Variants in IL1RN observed in about 807,000 individuals in gnomAD.
IL1RN encodes the protein interleukin 1 receptor antagonist.
A neutral mutation model predicts 13.7 loss-of-function variants in IL1RN; 10 were observed. The ratio of observed to expected loss-of-function variants is 0.73; its 90% CI spans 0.45 to 1.24. The LOEUF is 1.24. Among genes scored for constraint, IL1RN ranks in the 50% most tolerant of loss-of-function variants. IL1RN has a pLI of 0.00. For synonymous variants in IL1RN, 102 were observed against 82.7 expected (o/e 1.23, Z -1.27); for missense variants, 213 against 222.1 (o/e 0.96, Z 0.26).
At chr2:113,106,422 T>G (rs1301497434), upstream of IL1RN, among the ~76,000 whole-genome samples, 1 of 152,232 alleles carries the variant, frequency 6.6e-6, no homozygotes, top group Non-Finnish European at 1.5e-5. Flanking sequence ...ACATAAAATT[T>G]AAATGGGTTG....
At chr2:113,122,384 C>T (rs975575424) in intron 2 of IL1RN, among the ~76,000 whole-genome samples, 1 of 152,152 alleles carries the variant, frequency 6.6e-6, no homozygotes, top group Non-Finnish European at 1.5e-5. Context: ...TTTAGAAGGA[C>T]TGAATCTCCC....
At chr2:113,131,181 A>G in intron 3 of IL1RN, 24 bp downstream of exon 3, 1 of 1,474,746 alleles carries the variant, frequency 6.8e-7, no homozygotes. Context: ...TTGGATCTCA[A>G]ATCACCCCAA....
At chr2:113,110,344 T>C (rs1686474835), upstream of IL1RN, among the ~76,000 whole-genome samples, 5 of 152,228 alleles carry the variant, frequency 3.3e-5, no homozygotes. Context: ...TTTTTTTCTG[T>C]GCTGTGGGCT....
the IL1RN span, among the ~76,000 whole-genome samples, chr2:113,099,542 G>A: frequency 6.6e-6 from 1 of 152,140 alleles, no homozygotes; most frequent in Non-Finnish European, 1.5e-5. Flanking sequence ...AGCCTGCAGT[G>A]GCAATCCGCC....
chr2:113,104,798 CAGA>C (rs111436630), upstream of IL1RN, among the ~76,000 whole-genome samples: 1,096 of 152,134 alleles, frequency 7.2e-3, 13 homozygotes, highest in African/African-American at 0.024. Flanking sequence ...TGATAAGAAA[CAGA>C]AGGTCAGAAA....
At chr2:113,117,866 G>C, upstream of IL1RN, 1 of 753,138 alleles carries the variant, frequency 1.3e-6, no homozygotes, top group South Asian at 1.4e-5. Flanking sequence ...GCTCCTCCTT[G>C]TACTCTCTGA....
chr2:113,120,222 A>C lies in IL1RN; in HGVS notation c.73+94A>C, dbSNP rs536751320. ...ATGTAGTTGAAGGAAATTAAAGATG[A>C]ATGGTTTAATTAAAAATTAATCAGA... is the stretch of plus-strand genomic sequence containing the variant. On this transcript the variant is annotated intron_variant, in intron 2 of 5. Coordinates refer to the IL1RN transcript ENST00000259206. 5.6e-6 allele frequency: 5 copies of C among 886,522 alleles called. No individual in the cohort carries two copies. In the Admixed American group the frequency reaches 8.5e-5, roughly 15 times the overall value. The allele number at this position is 886,522 out of a possible 1,614,324, so 54.9% of individuals were successfully genotyped here. A position where few individuals can be genotyped will look rare whatever the true frequency, so the allele number is the denominator to read the frequency against.
intron 2 of IL1RN, 59 bp downstream of exon 2, chr2:113,129,723 C>A: frequency 9.3e-7 from 1 of 1,077,472 alleles, no homozygotes; most frequent in Non-Finnish European, 1.5e-6. Flanking sequence ...GCCCGTCTGT[C>A]TGCAGCAGCA....
chr2:113,113,842 T>G, upstream of IL1RN, among the ~76,000 whole-genome samples: 1 of 152,204 alleles, frequency 6.6e-6, no homozygotes, highest in East Asian at 1.9e-4. Context: ...ACCTCACACA[T>G]GCATTACTGA....
chr2:113,132,172 G>T (rs1378927996), intron 3 of IL1RN, among the ~76,000 whole-genome samples: 3 of 152,250 alleles, frequency 2.0e-5, no homozygotes, highest in Non-Finnish European at 4.4e-5. Context: ...GGCCAGGCCA[G>T]GCGCAGTGGC....
upstream of IL1RN, among the ~76,000 whole-genome samples, chr2:113,113,752 A>C (rs1443594611): frequency 6.6e-6 from 1 of 152,204 alleles, no homozygotes; most frequent in Non-Finnish European, 1.5e-5. Context: ...ATCGTACCTC[A>C]GTAAAGTAGT....
chr2:113,132,868 G>C lies in IL1RN; in HGVS notation c.531G>C (p.Glu177Asp), dbSNP rs776534958. 6.2e-7 allele frequency: 1 copy of C among 1,613,840 alleles called. No homozygotes were observed. Among genetic ancestry groups the C allele is most frequent in the East Asian group, 2.2e-5 (1 of 44,896 alleles). The change falls in exon 4 of 4, where the codon GAG becomes GAC. Residue 177 changes from glutamate (E) to aspartate (D), a missense_variant. Coordinates refer to ENST00000409930, the MANE Select transcript of IL1RN (RefSeq NM_173842.3). ...MVTKFYFQEDE is the reference protein window; with the variant it reads ...MVTKFYFQEDD ...CCAAATTCTACTTCCAGGAGGACGA[G>C]TAGTACTGCCCAGGCCTGCCTGTTC...
chr2:113,132,515 C>A (rs2104461905), intron 3 of IL1RN, 141 bp from the exon 4 acceptor site: 1 of 728,350 alleles, frequency 1.4e-6, no homozygotes. Flanking sequence ...ACAGGAGCAC[C>A]TGGGGGCTTT....
At chr2:113,131,254 C>T in intron 3 of IL1RN, 97 bp downstream of exon 3, 2 of 769,168 alleles carry the variant, frequency 2.6e-6, no homozygotes, top group Non-Finnish European at 4.7e-6. Context: ...CCAGGATTAG[C>T]TGGGTAGTTC....
chr2:113,117,742 C>T, upstream of IL1RN: 1 of 582,876 alleles, frequency 1.7e-6, no homozygotes, highest in Non-Finnish European at 3.1e-6. Flanking sequence ...TTGGTTTCTG[C>T]TAGCCTGAGT....
In IL1RN at chr2:113,129,632, G is replaced by A. The variant is rs1281227831; in HGVS notation, c.173G>A (p.Gly58Glu). ...FYLRNNQLVA[G>E]YLQGPNVNLE... Reference sequence around the variant, plus strand: ...CTGAGGAACAACCAACTAGTTGCTGGATACTTGCAAGGACCAAATGTCAAT... The same window carrying A: ...CTGAGGAACAACCAACTAGTTGCTGAATACTTGCAAGGACCAAATGTCAAT... The change falls in exon 2 of 4, where the codon GGA becomes GAA. Residue 58 changes from glycine to glutamate, a missense_variant. Coordinates refer to ENST00000409930, the MANE Select transcript of IL1RN (RefSeq NM_173842.3). 6.2e-7 allele frequency: 1 copy of A among 1,612,744 alleles called. No individual in the cohort carries two copies. Among genetic ancestry groups the A allele is most frequent in the African/African-American group, 1.3e-5 (1 of 74,910 alleles).
At chr2:113,128,459 G>A (rs948955167) in intron 1 of IL1RN, among the ~76,000 whole-genome samples, 1 of 152,052 alleles carries the variant, frequency 6.6e-6, no homozygotes, top group African/African-American at 2.4e-5. Context: ...TGTCTGGGCC[G>A]AGGCTGCAAG....
At chr2:113,132,525 T>G in intron 3 of IL1RN, 131 bp from the exon 4 acceptor site, 1 of 783,270 alleles carries the variant, frequency 1.3e-6, no homozygotes, top group East Asian at 2.6e-5. Flanking sequence ...CTGGGGGCTT[T>G]TAGGGTATGG....
At chr2:113,123,057 G>A (rs924018868), upstream of IL1RN, among the ~76,000 whole-genome samples, 6 of 152,122 alleles carry the variant, frequency 3.9e-5, no homozygotes, top group South Asian at 2.1e-4. Context: ...CCTGGGAGGC[G>A]GAGGTTGCGG....
Sources: gnomAD v4.1 joint callset for allele counts (sites outside exome capture counted in the v4.1 genomes callset) on GRCh38, gnomAD v4.1.1 for gene constraint, MANE v1.5 for transcripts, NCBI Gene and HGNC (gene_info 2026-07-23, HGNC 2026-07-21) for gene names.